The following SRGAP1 variants were observed in gnomAD, a reference collection of about 807,000 sequenced individuals.
SRGAP1 encodes SLIT-ROBO Rho GTPase activating protein 1, also known as SLIT-ROBO Rho GTPase-activating protein 1.
Under a neutral mutation model 121.9 loss-of-function variants are expected in SRGAP1, and 43 were observed. The observed-to-expected ratio is 0.35, with a 90% CI of 0.28 to 0.46. The LOEUF (loss-of-function observed/expected upper bound fraction) is 0.46. Among genes scored for constraint, SRGAP1 ranks in the 20% least tolerant of loss-of-function variants. The pLI is 1.00. For synonymous variants in SRGAP1, 447 were observed against 485.4 expected (o/e 0.92, Z 1.04); for missense variants, 1,102 against 1,350.9 (o/e 0.82, Z 2.89).
intron 1 of SRGAP1, among the ~76,000 whole-genome samples, chr12:63,936,538 T>C (rs7976369): frequency 0.023 from 3,457 of 152,230 alleles, 114 homozygotes; most frequent in African/African-American, 0.078. Context: ...GGACTTTTTC[T>C]GGTCTCATAT....
At chr12:63,935,603 G>C (rs2031638436) in intron 1 of SRGAP1, among the ~76,000 whole-genome samples, 1 of 152,054 alleles carries the variant, frequency 6.6e-6, no homozygotes, top group Non-Finnish European at 1.5e-5. Context: ...ATACTTTCTG[G>C]TCCAAAAATA....
intron 1 of SRGAP1, among the ~76,000 whole-genome samples, chr12:63,885,768 G>GTGCC: frequency 6.6e-6 from 1 of 152,208 alleles, no homozygotes; most frequent in Non-Finnish European, 1.5e-5. Context: ...GATGCCTGAA[G>GTGCC]TGCCCCAAGG....
intron 10 of SRGAP1, 110 bp downstream of exon 10, chr12:64,080,480 C>A: frequency 1.0e-6 from 1 of 960,372 alleles, no homozygotes; most frequent in Non-Finnish European, 1.6e-6. Context: ...GCAGAGGACA[C>A]TCTGTGTTTA....
At chr12:63,848,007 T>A (rs865901944) in intron 1 of SRGAP1, among the ~76,000 whole-genome samples, 54 of 145,980 alleles carry the variant, frequency 3.7e-4, no homozygotes, top group African/African-American at 9.8e-4. Flanking sequence ...AATTTTTATT[T>A]TATATATATA....
intron 15 of SRGAP1, among the ~76,000 whole-genome samples, chr12:64,103,410 C>A (rs2036290611): frequency 6.6e-6 from 1 of 152,110 alleles, no homozygotes; most frequent in Non-Finnish European, 1.5e-5. Context: ...TGTAACAAAT[C>A]CCCTAGTTTA....
chr12:63,948,763 C>T (rs992355976), intron 1 of SRGAP1, among the ~76,000 whole-genome samples: 4 of 143,788 alleles, frequency 2.8e-5, no homozygotes, highest in Admixed American at 7.1e-5. Context: ...ATATATTTTC[C>T]ATGTATATAT....
chr12:64,131,959 G>A (rs992707443), intron 21 of SRGAP1, among the ~76,000 whole-genome samples: 13 of 152,142 alleles, frequency 8.5e-5, no homozygotes, highest in African/African-American at 2.9e-4. Flanking sequence ...GGTAGATCAC[G>A]AGGTCAGGAG....
chr12:63,994,431 G>A (rs1413695681), intron 3 of SRGAP1, among the ~76,000 whole-genome samples: 1 of 152,064 alleles, frequency 6.6e-6, no homozygotes, highest in African/African-American at 2.4e-5. Flanking sequence ...CAACAGCATT[G>A]TTTGTGGCTA....
intron 6 of SRGAP1, among the ~76,000 whole-genome samples, chr12:64,051,460 C>G (rs1424718601): frequency 6.6e-6 from 1 of 152,170 alleles, no homozygotes; most frequent in East Asian, 1.9e-4. Flanking sequence ...CAGCAAAACT[C>G]TTTCTTACAG....
intron 4 of SRGAP1, among the ~76,000 whole-genome samples, chr12:64,037,025 A>G (rs147316881): frequency 2.0e-5 from 3 of 152,318 alleles, no homozygotes; most frequent in Admixed American, 6.5e-5. Flanking sequence ...TTGAAAGACA[A>G]TACTTGTCTT....
chr12:64,139,519 C>T (rs789741), intron 21 of SRGAP1, among the ~76,000 whole-genome samples: 86,285 of 151,670 alleles, frequency 0.57, 25,090 homozygotes, highest in African/African-American at 0.69. Context: ...TCATGTGTTT[C>T]TTGGCTGCAT....
intron 4 of SRGAP1, among the ~76,000 whole-genome samples, chr12:64,026,228 A>ATTGAG (rs2034650423): frequency 3.3e-5 from 5 of 152,218 alleles, no homozygotes; most frequent in Admixed American, 3.3e-4. Context: ...TGTTTTGTCC[A>ATTGAG]AATTACTACA....
At chr12:64,057,922 C>A (rs1593086172) in intron 6 of SRGAP1, among the ~76,000 whole-genome samples, 1 of 152,316 alleles carries the variant, frequency 6.6e-6, no homozygotes, top group Middle Eastern at 3.4e-3. Context: ...ACTGTGGCTG[C>A]TACTGTTCTT....
In SRGAP1 at chr12:64,159,914, C is replaced by A. The variant is rs565076701; in HGVS notation, c.*17242C>A. 8.5e-5 allele frequency: 13 copies of A among 152,308 alleles called. No homozygotes were observed. The highest frequency in any genetic ancestry group is 3.1e-4 in the African/African-American group (13 of 41,570). The allele number at this position is 152,308 out of a possible 1,614,324, so 9.4% of individuals were successfully genotyped here. On this transcript the variant is annotated 3_prime_UTR_variant, in exon 22 of 22. Transcript: ENST00000355086. ...TATGCCACAGCATAATGTAGCCTTTCCTGATGCATACAATTACTTTTCCTT... is the reference window on the plus strand; with the variant it reads ...TATGCCACAGCATAATGTAGCCTTTACTGATGCATACAATTACTTTTCCTT...
At chr12:63,890,643 G>A (rs1374334478) in intron 1 of SRGAP1, among the ~76,000 whole-genome samples, 1 of 152,118 alleles carries the variant, frequency 6.6e-6, no homozygotes, top group Non-Finnish European at 1.5e-5. Flanking sequence ...CTAGGATGAG[G>A]AAGGAAAGGA....
At chr12:64,067,017 C>A (rs945386539) in intron 8 of SRGAP1, among the ~76,000 whole-genome samples, 31 of 139,308 alleles carry the variant, frequency 2.2e-4, no homozygotes, top group Middle Eastern at 3.7e-3. Flanking sequence ...AAAGTTTTGA[C>A]CTGTTTTTTT....
intron 1 of SRGAP1, among the ~76,000 whole-genome samples, chr12:63,958,235 T>A (rs745314926): frequency 1.3e-5 from 2 of 152,128 alleles, no homozygotes; most frequent in African/African-American, 2.4e-5. Flanking sequence ...GCCCTTGCAT[T>A]CCTTCTCAGA....
At chr12:64,076,761 C>T (rs2035745855) in intron 8 of SRGAP1, among the ~76,000 whole-genome samples, 1 of 152,068 alleles carries the variant, frequency 6.6e-6, no homozygotes, top group African/African-American at 2.4e-5. Flanking sequence ...ATTCTTCTGA[C>T]TCAGCTTCCC....
intron 1 of SRGAP1, among the ~76,000 whole-genome samples, chr12:63,857,748 G>GT: frequency 6.6e-6 from 1 of 151,704 alleles, no homozygotes; most frequent in East Asian, 1.9e-4. Context: ...CCCTTGTTTG[G>GT]TAAAAAAAAC....
Sources: gnomAD v4.1 joint callset for allele counts (sites outside exome capture counted in the v4.1 genomes callset) on GRCh38, gnomAD v4.1.1 for gene constraint, MANE v1.5 for transcripts, NCBI Gene and HGNC (gene_info 2026-07-23, HGNC 2026-07-21) for gene names.